The following UTRN variants were observed in gnomAD, a reference collection of about 807,000 sequenced individuals.
UTRN encodes the protein dystrophin-related protein 1.
UTRN carries 283 observed loss-of-function variants against 463.9 expected under a neutral mutation model. That is an observed-to-expected ratio of 0.61 (90% CI 0.55 to 0.67). The LOEUF (loss-of-function observed/expected upper bound fraction) is 0.67, where lower values mean the gene tolerates loss of function less well. Ranked by LOEUF, UTRN falls within the 30% of genes least tolerant of loss-of-function variation. The pLI is 0.00. For synonymous variants in UTRN, 1,442 were observed against 1,431.5 expected, an observed-to-expected ratio of 1.01 and a Z score of -0.17; for missense variants, 3,922 against 4,084.3, an observed-to-expected ratio of 0.96 and a Z score of 1.08.
At chr6:144,423,459 G>A (rs1785029899) in intron 4 of UTRN, 90 bp from the exon 5 acceptor site, 2 of 1,341,888 alleles carry the variant, frequency 1.5e-6, no homozygotes, top group Admixed American at 1.7e-5. Context: ...TGTACGCTGA[G>A]CTTCACTTCT....
chr6:144,734,474 C>G (rs1189463772), intron 54 of UTRN, among the ~76,000 whole-genome samples: 7 of 152,166 alleles, frequency 4.6e-5, no homozygotes, highest in Non-Finnish European at 2.9e-5. Context: ...GCCCCTGCCC[C>G]CTCCCGTCAC....
chr6:144,538,102 T>A (rs1272369266), intron 44 of UTRN, among the ~76,000 whole-genome samples: 1 of 152,184 alleles, frequency 6.6e-6, no homozygotes, highest in Non-Finnish European at 1.5e-5. Flanking sequence ...TAATCAGTAA[T>A]TATCAGAGTG....
chr6:144,689,238 G>T (rs984695382), intron 52 of UTRN, among the ~76,000 whole-genome samples: 2 of 152,126 alleles, frequency 1.3e-5, no homozygotes, highest in African/African-American at 4.8e-5. Flanking sequence ...GTGCACCCAC[G>T]CCAAGCTCCT....
In UTRN at chr6:144,548,684, G is replaced by A. The variant is rs1370244256; in HGVS notation, c.6640G>A (p.Asp2214Asn). Residue 2214 changes from aspartate (D) to asparagine (N), a missense_variant, in exon 47 of 75, where the codon GAT becomes AAT. This residue lies in a region of UTRN where 2,349 missense variants were observed against 2,303.8 expected (regional missense o/e 1.02). Transcript: ENST00000367545. ...GGTGGTGCTAGTATCATCTGCGTCA[G>A]ATATTCCTGTTCAGTCTCATCGTAC... is the stretch of plus-strand genomic sequence containing the variant. ...QKVVLVSSAS[D>N]IPVQSHRTSE... The A allele has an allele frequency of 1.2e-6, 2 of 1,613,996 alleles. No individual in the cohort carries two copies. Among genetic ancestry groups the A allele is most frequent in the African/African-American group, 2.7e-5 (2 of 75,028 alleles).
chr6:144,287,694 T>G (rs900258041), intron 1 of UTRN, among the ~76,000 whole-genome samples: 2 of 152,220 alleles, frequency 1.3e-5, no homozygotes, highest in Non-Finnish European at 2.9e-5. Flanking sequence ...TTAAACACCT[T>G]ATGTTTATTT....
At chr6:144,572,832 AT>A (rs986535001) in intron 50 of UTRN, among the ~76,000 whole-genome samples, 3 of 152,092 alleles carry the variant, frequency 2.0e-5, no homozygotes, top group African/African-American at 7.2e-5. Flanking sequence ...AGTCTTTGCT[AT>A]TGTAAATAGT....
chr6:144,444,234 T>A (rs1024502031), intron 13 of UTRN, 47 bp from the exon 14 acceptor site: 2 of 1,428,708 alleles, frequency 1.4e-6, no homozygotes, highest in Non-Finnish European at 1.9e-6. Context: ...TTGTGATAAC[T>A]CTCTCTTAAG....
chr6:144,362,306 C>T (rs1333874022), intron 2 of UTRN, among the ~76,000 whole-genome samples: 1 of 152,162 alleles, frequency 6.6e-6, no homozygotes, highest in Non-Finnish European at 1.5e-5. Flanking sequence ...CCTGTGCACA[C>T]CACCCCCCAT....
intron 2 of UTRN, among the ~76,000 whole-genome samples, chr6:144,348,504 C>T (rs1053496907): frequency 5.9e-5 from 9 of 151,972 alleles, no homozygotes; most frequent in African/African-American, 7.3e-5. Context: ...TCTTAGGACT[C>T]GTGAATTTTT....
At chr6:144,764,976 C>A (rs1447986151) in intron 58 of UTRN, among the ~76,000 whole-genome samples, 4 of 143,974 alleles carry the variant, frequency 2.8e-5, no homozygotes, top group African/African-American at 7.5e-5. Flanking sequence ...AATGCAACAA[C>A]AAATGACCTA....
intron 65 of UTRN, among the ~76,000 whole-genome samples, chr6:144,803,684 A>G (rs981983756): frequency 6.6e-6 from 1 of 151,918 alleles, no homozygotes; most frequent in African/African-American, 2.4e-5. Flanking sequence ...TTTTTAATTG[A>G]GTGAATTACT....
At chr6:144,631,890 T>A (rs1776562395) in intron 51 of UTRN, among the ~76,000 whole-genome samples, 1 of 152,188 alleles carries the variant, frequency 6.6e-6, no homozygotes, top group Non-Finnish European at 1.5e-5. Context: ...GAATGGAGGC[T>A]AAATTTTCCA....
At chr6:144,606,878 C>T (rs918331974) in intron 51 of UTRN, among the ~76,000 whole-genome samples, 1 of 152,230 alleles carries the variant, frequency 6.6e-6, no homozygotes, top group Non-Finnish European at 1.5e-5. Flanking sequence ...CCTGCAATTC[C>T]TCGCTCAGAG....
At chr6:144,351,835 C>T (rs1422096669) in intron 2 of UTRN, among the ~76,000 whole-genome samples, 2 of 152,204 alleles carry the variant, frequency 1.3e-5, no homozygotes, top group Non-Finnish European at 2.9e-5. Context: ...GCACCTTGCA[C>T]AGATTCTTCC....
chr6:144,521,068 T>C (rs1796046002), intron 39 of UTRN, among the ~76,000 whole-genome samples: 1 of 151,968 alleles, frequency 6.6e-6, no homozygotes, highest in East Asian at 1.9e-4. Context: ...AGCTGATCAC[T>C]TGAGGTTAAG....
In UTRN at chr6:144,291,744, T is replaced by G; in HGVS notation, c.-85T>G. The stretch of plus-strand genomic sequence containing the variant: ...TTTCCCTTTTCCTTTTAGGTATTGA[T>G]GTCAAGCTGAACCATCGTAGGAAGT... On this transcript the variant is annotated 5_prime_UTR_variant, in exon 2 of 75. It removes an upstream start codon present in the reference 5' UTR. Transcript: ENST00000367545. The G allele has an allele frequency of 1.7e-6, 2 of 1,145,862 alleles. No individual in the cohort carries two copies. Among genetic ancestry groups the G allele is most frequent in the South Asian group, 1.6e-5 (1 of 62,366 alleles). The allele number at this position is 1,145,862 out of a possible 1,614,324, so 71.0% of individuals were successfully genotyped here. A position where few individuals can be genotyped will look rare whatever the true frequency, so the allele number is the denominator to read the frequency against.
At chr6:144,744,293 A>T (rs569472459) in intron 54 of UTRN, among the ~76,000 whole-genome samples, 1 of 145,916 alleles carries the variant, frequency 6.9e-6, no homozygotes, top group East Asian at 2.0e-4. Flanking sequence ...ACTAAAAAAA[A>T]AATGGTGTAT....
At chr6:144,386,795 ACT>A (rs1371282279) in intron 2 of UTRN, among the ~76,000 whole-genome samples, 9 of 151,550 alleles carry the variant, frequency 5.9e-5, no homozygotes, top group Admixed American at 5.9e-4. Context: ...TATTAAAATG[ACT>A]CTTCTTCCTT....
chr6:144,658,794 A>G (rs1273318209), intron 51 of UTRN, among the ~76,000 whole-genome samples: 4 of 152,228 alleles, frequency 2.6e-5, no homozygotes. Flanking sequence ...CACTACAAAG[A>G]ATTTATAATT....
Sources: gnomAD v4.1 joint callset for allele counts (sites outside exome capture counted in the v4.1 genomes callset) on GRCh38, gnomAD v4.1.1 for gene constraint, gnomAD v4.1.1 regional missense constraint, MANE v1.5 for transcripts, NCBI Gene and HGNC (gene_info 2026-07-23, HGNC 2026-07-21) for gene names.